The following GRIA1 variants were observed in gnomAD, a reference collection of about 807,000 sequenced individuals.
GRIA1 encodes glutamate receptor 1.
In GRIA1, 31 loss-of-function variants were observed where a neutral mutation model predicts 99.2. The observed-to-expected ratio is 0.31, with a 90% CI of 0.23 to 0.42. The LOEUF is 0.42. Ranked by LOEUF, GRIA1 falls within the 10% of genes least tolerant of loss-of-function variation. The pLI is 1.00. For synonymous variants in GRIA1, 438 were observed against 432.4 expected (o/e 1.01, Z -0.16); for missense variants, 782 against 1,157.5 (o/e 0.68, Z 4.71).
chr5:153,512,486 AAC>A (rs1428612361), intron 2 of GRIA1, among the ~76,000 whole-genome samples: 2 of 152,224 alleles, frequency 1.3e-5, no homozygotes, highest in Non-Finnish European at 2.9e-5. Flanking sequence ...AAGAGGCCAA[AAC>A]ACAGACAAGT....
chr5:153,764,669 A>G (rs187585402), intron 12 of GRIA1, 37 bp downstream of exon 12: 5 of 1,413,998 alleles, frequency 3.5e-6, no homozygotes, highest in Non-Finnish European at 5.0e-6. Flanking sequence ...CTTTCACAAA[A>G]GGGAACCACA....
At chr5:153,758,008 G>A (rs1762939493) in intron 11 of GRIA1, among the ~76,000 whole-genome samples, 1 of 152,030 alleles carries the variant, frequency 6.6e-6, no homozygotes, top group Non-Finnish European at 1.5e-5. Flanking sequence ...TATGTTAAGA[G>A]GTAGAGCTAT....
chr5:153,694,333 CT>C (rs990657843), intron 8 of GRIA1, among the ~76,000 whole-genome samples: 1 of 152,096 alleles, frequency 6.6e-6, no homozygotes, highest in African/African-American at 2.4e-5. Context: ...ACCACATACC[CT>C]GAACATTCTA....
At chr5:153,529,969 GCTT>G (rs1331393254) in intron 2 of GRIA1, among the ~76,000 whole-genome samples, 1 of 152,106 alleles carries the variant, frequency 6.6e-6, no homozygotes, top group Non-Finnish European at 1.5e-5. Flanking sequence ...CCTCTGATCT[GCTT>G]CTGTGGTGGC....
intron 11 of GRIA1, among the ~76,000 whole-genome samples, chr5:153,707,259 T>TTGGA (rs1219525047): frequency 6.6e-6 from 1 of 152,140 alleles, no homozygotes; most frequent in Non-Finnish European, 1.5e-5. Context: ...GTTTTATATA[T>TTGGA]TGGACTTGTG....
chr5:153,543,019 T>C (rs1759273263), intron 2 of GRIA1, among the ~76,000 whole-genome samples: 1 of 152,256 alleles, frequency 6.6e-6, no homozygotes, highest in Admixed American at 6.5e-5. Flanking sequence ...GGATTAAGCA[T>C]ACATAAAGCA....
intron 2 of GRIA1, among the ~76,000 whole-genome samples, chr5:153,521,437 G>A (rs1456905186): frequency 6.6e-6 from 1 of 152,228 alleles, no homozygotes; most frequent in African/African-American, 2.4e-5. Flanking sequence ...TCCATGCCCA[G>A]CCCTGTGGCA....
chr5:153,772,658 T>C (rs1460497085), intron 13 of GRIA1, among the ~76,000 whole-genome samples: 1 of 152,182 alleles, frequency 6.6e-6, no homozygotes, highest in African/African-American at 2.4e-5. Flanking sequence ...TCATGTGTTT[T>C]TGCCTGGTTG....
chr5:153,568,035 TTTG>T (rs1761804878), intron 2 of GRIA1, among the ~76,000 whole-genome samples: 1 of 152,126 alleles, frequency 6.6e-6, no homozygotes, highest in Non-Finnish European at 1.5e-5. Context: ...TTTGTGGGTT[TTTG>T]TTGTTGTTTT....
intron 2 of GRIA1, among the ~76,000 whole-genome samples, chr5:153,537,322 AG>A (rs1370061473): frequency 2.6e-5 from 4 of 152,170 alleles, no homozygotes; most frequent in Non-Finnish European, 4.4e-5. Context: ...CTGCACATCA[AG>A]GCCCAGTGGA....
intron 2 of GRIA1, among the ~76,000 whole-genome samples, chr5:153,621,220 A>T (rs1767012520): frequency 6.6e-6 from 1 of 152,190 alleles, no homozygotes; most frequent in Admixed American, 6.5e-5. Context: ...ATTCCTAAAA[A>T]TCATTAGGTT....
intron 9 of GRIA1, 126 bp downstream of exon 9, chr5:153,698,280 T>C: frequency 1.9e-6 from 1 of 528,192 alleles, no homozygotes; most frequent in Non-Finnish European, 3.4e-6. Flanking sequence ...AAGCAGCAAG[T>C]CGAAAAGGGA....
chr5:153,679,586 G>A (rs1756831207), intron 7 of GRIA1, among the ~76,000 whole-genome samples: 1 of 152,228 alleles, frequency 6.6e-6, no homozygotes, highest in South Asian at 2.1e-4. Context: ...TTGCTTATAA[G>A]CATTGACCTC....
At chr5:153,608,870 T>C (rs1030597903) in intron 2 of GRIA1, among the ~76,000 whole-genome samples, 10 of 152,336 alleles carry the variant, frequency 6.6e-5, no homozygotes, top group African/African-American at 2.4e-4. Flanking sequence ...TAAGCTGATG[T>C]TATCTTTTTC....
intron 2 of GRIA1, among the ~76,000 whole-genome samples, chr5:153,563,384 G>A (rs562710283): frequency 2.6e-5 from 4 of 152,150 alleles, no homozygotes; most frequent in East Asian, 1.9e-4. Context: ...CAATTGTTTC[G>A]TTCTCTAAGT....
chr5:153,707,116 C>T (rs1163306085), intron 11 of GRIA1, among the ~76,000 whole-genome samples: 1 of 151,538 alleles, frequency 6.6e-6, no homozygotes, highest in African/African-American at 2.4e-5. Context: ...GAGACTCTGT[C>T]TTTAAAAAAA....
chr5:153,633,207 G>T (rs1753103707), intron 2 of GRIA1, among the ~76,000 whole-genome samples: 1 of 152,108 alleles, frequency 6.6e-6, no homozygotes, highest in Non-Finnish European at 1.5e-5. Context: ...TTCCTCAAAT[G>T]CTTCCCCCAG....
intron 2 of GRIA1, among the ~76,000 whole-genome samples, chr5:153,565,886 T>C (rs1761568108): frequency 6.6e-6 from 1 of 152,188 alleles, no homozygotes; most frequent in South Asian, 2.1e-4. Flanking sequence ...TGATAGACAT[T>C]TGAGTTGTTT....
intron 15 of GRIA1, among the ~76,000 whole-genome samples, chr5:153,808,467 C>G (rs527611510): frequency 6.0e-4 from 92 of 152,212 alleles, no homozygotes; most frequent in African/African-American, 2.1e-3. Context: ...TAACTGTTAC[C>G]TTAAACAAGT....
Sources: allele counts gnomAD v4.1 joint callset (sites outside exome capture counted in the v4.1 genomes callset), GRCh38; gene constraint gnomAD v4.1.1; transcripts MANE v1.5; gene names NCBI Gene and HGNC (gene_info 2026-07-23, HGNC 2026-07-21).